Variants in FAT4 observed in about 807,000 individuals in gnomAD.
FAT4 encodes the protein protocadherin Fat 4.
A neutral mutation model predicts 303.9 loss-of-function variants in FAT4; 84 were observed. The observed-to-expected ratio is 0.28, with a 90% CI of 0.23 to 0.33. FAT4 has a LOEUF of 0.33. Ranked by LOEUF, FAT4 falls within the 10% of genes least tolerant of loss-of-function variation. The pLI is 1.00. For synonymous variants in FAT4, 2,307 were observed against 2,298.8 expected (o/e 1.00, Z -0.10); for missense variants, 6,005 against 6,146.8 (o/e 0.98, Z 0.77).
chr4:125,407,945 G>C (rs1734684966), intron 4 of FAT4, among the ~76,000 whole-genome samples: 1 of 152,118 alleles, frequency 6.6e-6, no homozygotes, highest in Admixed American at 6.5e-5. Flanking sequence ...CCTTCTACCT[G>C]AAGTTTTTTC....
Position 125,434,418 on chromosome 4 carries a change from G to A in FAT4, c.7192G>A (p.Val2398Ile). The A allele has an allele frequency of 1.2e-6, 2 of 1,613,832 alleles. No individual in the cohort carries two copies. The highest frequency in any genetic ancestry group is 2.2e-5 in the East Asian group (1 of 44,814). The change falls in exon 8 of 18, where the codon GTT becomes ATT. Residue 2398 changes from valine to isoleucine, a missense_variant. Val to Ile is a conservative substitution (Grantham distance 29). Transcript: ENST00000394329. The part of the protein sequence containing the change: ...ASDADASKNA[V>I]ISYRIIGGNS... ...AGATGCTGATGCTTCAAAGAATGCA[G>A]TTATAAGGTCAGTACATTTTCCTTT...
intron 17 of FAT4, 86 bp downstream of exon 17, chr4:125,487,692 A>G (rs1176689085): frequency 1.5e-6 from 2 of 1,344,504 alleles, no homozygotes; most frequent in Non-Finnish European, 9.9e-7. Context: ...AAGACTACAC[A>G]TTTAACATGA....
In FAT4 at chr4:125,490,373, C is replaced by T. The variant is rs1022121227; in HGVS notation, c.13557C>T (p.Ala4519=). 1 of 1,614,082 alleles carries T rather than the reference C, an allele frequency of 6.2e-7. No homozygotes were observed. ...TGGGCAGCTGCGCAACCGTCTTGGC[C>T]CTCCTGGTCCTTAGCCTGATCCTGT... is the stretch of plus-strand genomic sequence containing the variant. The part of the protein sequence containing the change: ...AIVGSCATVL[A]LLVLSLILCN... Residue 4519 remains alanine (A), a synonymous_variant, in exon 18 of 18, where the codon GCC becomes GCT. Transcript: ENST00000394329.
At chr4:125,476,297 A>T (rs1727027601) in intron 13 of FAT4, 41 bp downstream of exon 13, 7 of 1,163,392 alleles carry the variant, frequency 6.0e-6, no homozygotes, top group Non-Finnish European at 8.5e-6. Context: ...ATTACTTAAA[A>T]TTTTTTAAAA....
Position 125,320,254 on chromosome 4 carries a change from T to C in FAT4, c.3843T>C (p.Tyr1281=). The C allele has an allele frequency of 6.2e-7, 1 of 1,614,200 alleles. No homozygotes were observed. The highest frequency in any genetic ancestry group is 8.5e-7 in the Non-Finnish European group (1 of 1,180,024). Reference sequence around the variant, plus strand: ...TAGACTATGAAGCAACACCTGCCTATTCCCTTGTAATTCAAGCAGTGGATT... The same window carrying C: ...TAGACTATGAAGCAACACCTGCCTACTCCCTTGTAATTCAAGCAGTGGATT... ...GKLDYEATPA[Y]SLVIQAVDSG... The change falls in exon 2 of 18, where the codon TAT becomes TAC. Residue 1281 remains tyrosine, a synonymous_variant. Coordinates refer to ENST00000394329, the MANE Select transcript of FAT4 (RefSeq NM_001291303.3).
chr4:125,476,083 T>C (rs1727018896), intron 12 of FAT4, 88 bp from the exon 13 acceptor site: 1 of 653,304 alleles, frequency 1.5e-6, no homozygotes, highest in Admixed American at 2.4e-5. Flanking sequence ...CATGTTCACA[T>C]AGAAGCAAGT....
rs558553213 is a variant in FAT4, at chr4:125,489,722, G to T, written c.13085-179G>T. 6.6e-5 allele frequency among the ~76,000 whole-genome samples: 10 copies of T among 152,052 alleles called. No individual in the cohort carries two copies. In the East Asian group the frequency reaches 1.9e-3, roughly 30 times the overall value. On this transcript the variant is annotated intron_variant, in intron 17 of 17. Transcript: ENST00000394329. ...CTTAACGCACCTTGCTAAGTTATAAGATGCACAGCTTAATTATCTTTCAGC... is the reference window on the plus strand; with the variant it reads ...CTTAACGCACCTTGCTAAGTTATAATATGCACAGCTTAATTATCTTTCAGC...
Position 125,320,189 on chromosome 4 carries a change from A to G in FAT4, c.3778A>G (p.Ile1260Val). 3.7e-6 allele frequency: 6 copies of G among 1,613,814 alleles called. No homozygotes were observed. Among genetic ancestry groups the G allele is most frequent in the East Asian group, 2.2e-5 (1 of 44,864 alleles). The change falls in exon 2 of 18, where the codon ATA (isoleucine) becomes GTA (valine). Residue 1260 changes from isoleucine (I) to valine (V), a missense_variant. Physicochemically the swap from Ile to Val is conservative, Grantham distance 29. Transcript: ENST00000394329. ...IKGNEERQFA[I>V]DSTSGQVTLI... Reference sequence around the variant, plus strand: ...AGGAAATGAAGAAAGACAGTTTGCTATAGACAGTACCTCTGGTCAGGTAAC... The same window carrying G: ...AGGAAATGAAGAAAGACAGTTTGCTGTAGACAGTACCTCTGGTCAGGTAAC...
rs1023681121 is a variant in FAT4, at chr4:125,490,942, C to T, written c.14126C>T (p.Ser4709Phe). The T allele has an allele frequency of 1.2e-6, 2 of 1,614,214 alleles. No homozygotes were observed. The highest frequency in any genetic ancestry group is 1.7e-6 in the Non-Finnish European group (2 of 1,180,050). Residue 4709 changes from serine (S) to phenylalanine (F), a missense_variant, in exon 18 of 18, where the codon TCC becomes TTC. Transcript: ENST00000394329. ...TCTCGACACAGTCCAGCCCCTTTCT[C>T]CAAATCTTCTACGTTCTATAGAAAC... Reference protein sequence around the residue: ...PLSRHSPAPFSKSSTFYRNSP... With the variant: ...PLSRHSPAPFFKSSTFYRNSP...
chr4:125,485,768 C>T (rs1727387528), intron 16 of FAT4, among the ~76,000 whole-genome samples: 1 of 152,122 alleles, frequency 6.6e-6, no homozygotes, highest in African/African-American at 2.4e-5. Flanking sequence ...TACTTTTATA[C>T]AACTGGCAGC....
intron 2 of FAT4, among the ~76,000 whole-genome samples, chr4:125,328,623 T>C: frequency 6.6e-6 from 1 of 152,242 alleles, no homozygotes; most frequent in African/African-American, 2.4e-5. Flanking sequence ...TCTAAGGCTT[T>C]TTATCATTCA....
intron 2 of FAT4, among the ~76,000 whole-genome samples, chr4:125,372,237 C>T (rs963111865): frequency 6.6e-6 from 1 of 151,800 alleles, no homozygotes; most frequent in African/African-American, 2.4e-5. Flanking sequence ...TGGTACACAC[C>T]TGCAGTTCCA....
At chr4:125,419,609 T>G (rs768694760) in intron 7 of FAT4, among the ~76,000 whole-genome samples, 2 of 152,316 alleles carry the variant, frequency 1.3e-5, no homozygotes, top group Non-Finnish European at 1.5e-5. Context: ...CAGTGATTTC[T>G]AAGAATAAAA....
intron 2 of FAT4, among the ~76,000 whole-genome samples, chr4:125,386,229 T>G (rs1412416711): frequency 6.6e-6 from 1 of 152,196 alleles, no homozygotes; most frequent in Non-Finnish European, 1.5e-5. Context: ...TCTAAATGTT[T>G]CACTGTTTGA....
At chr4:125,394,103 A>C in intron 2 of FAT4, 1 of 655,452 alleles carries the variant, frequency 1.5e-6, no homozygotes, top group South Asian at 1.8e-5. Context: ...ACAAAGGTCA[A>C]CATTTGGTAG....
At chr4:125,430,881 G>A (rs1260749075) in intron 7 of FAT4, among the ~76,000 whole-genome samples, 1 of 152,160 alleles carries the variant, frequency 6.6e-6, no homozygotes, top group Non-Finnish European at 1.5e-5. Flanking sequence ...AGCCAGAATT[G>A]TCTGTTGTCA....
chr4:125,350,605 C>G (rs78318233), intron 2 of FAT4, among the ~76,000 whole-genome samples: 1 of 151,560 alleles, frequency 6.6e-6, no homozygotes, highest in African/African-American at 2.4e-5. Flanking sequence ...TCATTCAGTC[C>G]GAATGTTCCT....
chr4:125,326,756 G>C (rs1731171358), intron 2 of FAT4, among the ~76,000 whole-genome samples: 1 of 152,104 alleles, frequency 6.6e-6, no homozygotes, highest in South Asian at 2.1e-4. Context: ...AGCATTTAAG[G>C]CCAGGCAAAG....
intron 2 of FAT4, among the ~76,000 whole-genome samples, chr4:125,386,472 G>A (rs1426503846): frequency 6.6e-6 from 1 of 152,050 alleles, no homozygotes; most frequent in African/African-American, 2.4e-5. Context: ...GTTTCATCAT[G>A]TTGGCCTGGC....
Sources: allele counts gnomAD v4.1 joint callset (sites outside exome capture counted in the v4.1 genomes callset), GRCh38; gene constraint gnomAD v4.1.1; transcripts MANE v1.5; gene names NCBI Gene and HGNC (gene_info 2026-07-23, HGNC 2026-07-21).